Variants in EDARADD observed in about 807,000 individuals in gnomAD.
EDARADD encodes the protein ectodysplasin-A receptor-associated adapter protein.
A neutral mutation model predicts 25.6 loss-of-function variants in EDARADD; 20 were observed. The observed-to-expected ratio is 0.78, with a 90% confidence interval of 0.55 to 1.14. EDARADD has a LOEUF of 1.14. Among genes scored for constraint, EDARADD ranks in the 50% most tolerant of loss-of-function variants. The pLI, the probability that EDARADD is intolerant of heterozygous loss-of-function variation, is 0.00. For missense variants in EDARADD, 225 were observed against 270.1 expected, an observed-to-expected ratio of 0.83 and a Z score of 1.17; for synonymous variants, 86 against 94.4, an observed-to-expected ratio of 0.91 and a Z score of 0.52.
chr1:236,449,454 A>C (rs1658650622), intron 4 of EDARADD, among the ~76,000 whole-genome samples: 2 of 152,242 alleles, frequency 1.3e-5, no homozygotes, highest in Admixed American at 1.3e-4. Context: ...TGAATACATA[A>C]GTCTTAGCAT....
intron 4 of EDARADD, among the ~76,000 whole-genome samples, chr1:236,447,842 TTC>T (rs1387372759): frequency 2.7e-5 from 4 of 146,346 alleles, no homozygotes; most frequent in Non-Finnish European, 4.4e-5. Flanking sequence ...TTTTTTTTTC[TTC>T]TTTTTTTTTT....
At chr1:236,405,811 T>C (rs1327958621) in intron 1 of EDARADD, among the ~76,000 whole-genome samples, 12 of 139,848 alleles carry the variant, frequency 8.6e-5, no homozygotes, top group African/African-American at 3.2e-4. Context: ...TTTCTTTCTT[T>C]CCTTCCTTCC....
intron 4 of EDARADD, among the ~76,000 whole-genome samples, chr1:236,428,669 G>A (rs1325914159): frequency 8.6e-6 from 1 of 115,784 alleles, no homozygotes; most frequent in Non-Finnish European, 2.1e-5. Flanking sequence ...CGGCCGGGAA[G>A]AGGCGCTCCT....
At chr1:236,432,335 A>C (rs957891204) in intron 4 of EDARADD, among the ~76,000 whole-genome samples, 1 of 151,762 alleles carries the variant, frequency 6.6e-6, no homozygotes, top group African/African-American at 2.4e-5. Context: ...GTTGCAGGGA[A>C]TGGAAATCGT....
intron 4 of EDARADD, among the ~76,000 whole-genome samples, chr1:236,438,519 G>A (rs1013319806): frequency 6.6e-6 from 1 of 152,070 alleles, no homozygotes; most frequent in Non-Finnish European, 1.5e-5. Flanking sequence ...TTTGGGCAGT[G>A]GGAAAAGCAA....
At chr1:236,466,464 C>T (rs1182788170) in intron 4 of EDARADD, among the ~76,000 whole-genome samples, 1 of 152,066 alleles carries the variant, frequency 6.6e-6, no homozygotes, top group Admixed American at 6.6e-5. Context: ...CACACACTCA[C>T]ACTCACACAC....
In EDARADD at chr1:236,405,899, TTCTTTCTTTCTTTCTTTCTTTCTTTC is replaced by T. The variant is rs1228637465; in HGVS notation, c.62-3310_62-3285del. ...CTTCTTTCTTTCTTTCTTTCTTTCT[TTCTTTCTTTCTTTCTTTCTTTCTTTC>T]TCTTTCCTTTTTTTTTTCTGCTCAT... On this transcript the variant is annotated intron_variant, in intron 1 of 5. Coordinates refer to ENST00000334232, the MANE Select transcript of EDARADD (RefSeq NM_145861.4). 5.8e-3 allele frequency among the ~76,000 whole-genome samples: 263 copies of T among 45,652 alleles called. 2 individuals are homozygous for T. The highest frequency in any genetic ancestry group is 9.0e-3 in the Non-Finnish European group (188 of 20,890). 29.9% of individuals were successfully genotyped at this position (45,652 alleles called of 152,430 possible). A position where few individuals can be genotyped will look rare whatever the true frequency, so the allele number is the denominator to read the frequency against.
chr1:236,483,518 C>A lies in EDARADD; in HGVS notation c.*869C>A. On this transcript the variant is annotated 3_prime_UTR_variant, in exon 6 of 6. Coordinates refer to ENST00000334232, the MANE Select transcript of EDARADD (RefSeq NM_145861.4). ...CCATTCTGGGAGTGTCCCTCGCTGC[C>A]TGCAAAGCTAGTGCTGTTGAGAAGG... The A allele has an allele frequency of 1.9e-6, 2 of 1,047,948 alleles. No individual in the cohort carries two copies. Among genetic ancestry groups the A allele is most frequent in the Non-Finnish European group, 1.5e-6 (1 of 666,422 alleles). 64.9% of individuals were successfully genotyped at this position (1,047,948 alleles called of 1,614,324 possible). A position where few individuals can be genotyped will look rare whatever the true frequency, so the allele number is the denominator to read the frequency against.
chr1:236,397,921 A>G (rs945178994), intron 1 of EDARADD, among the ~76,000 whole-genome samples: 2 of 152,008 alleles, frequency 1.3e-5, no homozygotes, highest in African/African-American at 4.8e-5. Flanking sequence ...CCTTACTCCT[A>G]TTTCTGTAAT....
At chr1:236,426,076 G>T (rs662488) in intron 3 of EDARADD, among the ~76,000 whole-genome samples, 67,080 of 151,778 alleles carry the variant, frequency 0.44, 17,430 homozygotes, top group Non-Finnish European at 0.59. Flanking sequence ...TGAACTCCTG[G>T]GCTCAAGTGA....
intron 3 of EDARADD, among the ~76,000 whole-genome samples, chr1:236,378,656 A>G (rs1667254259): frequency 6.6e-6 from 1 of 152,166 alleles, no homozygotes; most frequent in African/African-American, 2.4e-5. Context: ...AGTTTTAAGT[A>G]TTTGAGAGCA....
intron 5 of EDARADD, among the ~76,000 whole-genome samples, chr1:236,474,293 C>G (rs558718318): frequency 6.6e-6 from 1 of 152,270 alleles, no homozygotes; most frequent in South Asian, 2.1e-4. Context: ...AGAAACCTGG[C>G]CCTTCTTCAC....
chr1:236,364,020 G>A (rs892292329), intron 3 of EDARADD, among the ~76,000 whole-genome samples: 1 of 146,084 alleles, frequency 6.8e-6, no homozygotes, highest in Non-Finnish European at 1.5e-5. Context: ...GCTGGGTGTG[G>A]TGACATGCAC....
chr1:236,391,004 T>C (rs1026632388), upstream of EDARADD, among the ~76,000 whole-genome samples: 4 of 151,802 alleles, frequency 2.6e-5, no homozygotes, highest in Non-Finnish European at 5.9e-5. Context: ...TGGAGTACAA[T>C]GGTGTGATCT....
In EDARADD at chr1:236,482,690, A is replaced by T. The variant is rs1390223691; in HGVS notation, c.*41A>T. 6.2e-6 allele frequency: 10 copies of T among 1,608,528 alleles called. No homozygotes were observed. The highest frequency in any genetic ancestry group is 6.8e-6 in the Non-Finnish European group (8 of 1,179,932). Reference sequence around the variant, plus strand: ...TTCATTGGCCTCTCCGGATGTTGAAACAACCACAGGTCAAGAAGGAATGTG... The same window carrying T: ...TTCATTGGCCTCTCCGGATGTTGAATCAACCACAGGTCAAGAAGGAATGTG... On this transcript the variant is annotated 3_prime_UTR_variant, in exon 6 of 6. Transcript: ENST00000334232.
intron 1 of EDARADD, among the ~76,000 whole-genome samples, chr1:236,405,342 C>G (rs1231281466): frequency 6.6e-6 from 1 of 152,194 alleles, no homozygotes; most frequent in East Asian, 1.9e-4. Context: ...CCTCATAACC[C>G]TCCAACACAA....
chr1:236,482,305 T>G lies in EDARADD; in HGVS notation c.304T>G (p.Cys102Gly). 6.2e-7 allele frequency: 1 copy of G among 1,614,054 alleles called. No homozygotes were observed. The highest frequency in any genetic ancestry group is 8.5e-7 in the Non-Finnish European group (1 of 1,180,038). Residue 102 changes from cysteine to glycine, a missense_variant, in exon 6 of 6, where the codon TGT (cysteine) becomes GGT (glycine). Transcript: ENST00000334232. ...KDNSCKENCTCSSCLLRAPTI... is the reference protein window; with the variant it reads ...KDNSCKENCTGSSCLLRAPTI... ...CAACTCCTGCAAAGAAAACTGTACTTGTTCCTCCTGCTTGCTCCGGGCCCC... is the reference window on the plus strand; with the variant it reads ...CAACTCCTGCAAAGAAAACTGTACTGGTTCCTCCTGCTTGCTCCGGGCCCC...
chr1:236,468,814 G>A (rs918047661), intron 5 of EDARADD, among the ~76,000 whole-genome samples: 16 of 152,134 alleles, frequency 1.1e-4, no homozygotes, highest in African/African-American at 3.9e-4. Context: ...GGCACGGCAG[G>A]GTTCTGAATG....
At chr1:236,477,069 GAA>G (rs1188293568) in intron 5 of EDARADD, among the ~76,000 whole-genome samples, 1 of 134,426 alleles carries the variant, frequency 7.4e-6, no homozygotes, top group Non-Finnish European at 1.6e-5. Flanking sequence ...AAAAAAAAAA[GAA>G]AAAATTAATC....
Sources: allele counts gnomAD v4.1 joint callset (sites outside exome capture counted in the v4.1 genomes callset), GRCh38; gene constraint gnomAD v4.1.1; transcripts MANE v1.5; gene names NCBI Gene and HGNC (gene_info 2026-07-23, HGNC 2026-07-21).